The following ARHGAP39 variants were observed in gnomAD, a reference collection of about 807,000 sequenced individuals.
ARHGAP39 encodes Rho GTPase activating protein 39.
Under a neutral mutation model 106.9 loss-of-function variants are expected in ARHGAP39, and 44 were observed. That is an observed-to-expected ratio of 0.41 (90% CI 0.32 to 0.53). The LOEUF (loss-of-function observed/expected upper bound fraction) is 0.53. Among genes scored for constraint, ARHGAP39 ranks in the 20% least tolerant of loss-of-function variants. The pLI, the probability that ARHGAP39 is intolerant of heterozygous loss-of-function variation, is 0.21. For missense variants in ARHGAP39, 1,496 were observed against 1,577.3 expected (o/e 0.95, Z 0.87); for synonymous variants, 768 against 693.2 (o/e 1.11, Z -1.69).
chr8:144,660,189 T>C (rs148414253), intron 1 of ARHGAP39, among the ~76,000 whole-genome samples: 73 of 152,278 alleles, frequency 4.8e-4, no homozygotes, highest in African/African-American at 1.7e-3. Flanking sequence ...CCACTGTCCA[T>C]CCCATCCAGG....
intron 1 of ARHGAP39, among the ~76,000 whole-genome samples, chr8:144,627,385 T>A (rs890493313): frequency 3.3e-5 from 5 of 151,910 alleles, no homozygotes; most frequent in African/African-American, 9.7e-5. Context: ...ACCCCGTCTC[T>A]ACTAAAAATA....
intron 1 of ARHGAP39, among the ~76,000 whole-genome samples, chr8:144,635,327 G>A (rs968808707): frequency 1.3e-5 from 2 of 152,176 alleles, no homozygotes; most frequent in East Asian, 1.9e-4. Context: ...ATGTAATGAC[G>A]CTTCCATAAA....
At position 144,684,858 on chromosome 8, in the gene ARHGAP39, G is replaced by A. The variant is rs1822536163; in HGVS notation, c.-82+828C>T. On this transcript the variant is annotated intron_variant, in intron 1 of 11. Coordinates refer to ENST00000377307, the MANE Select transcript of ARHGAP39 (RefSeq NM_025251.3). The surrounding 1 kb of genome is among the most constrained non-coding windows in gnomAD (Gnocchi z 4.4). The stretch of plus-strand genomic sequence containing the variant: ...GAGGCCGCAGAGCCCACCCGCAGGC[G>A]GCCATGACCCCACCTGGAGACGCCC... Among the ~76,000 whole-genome samples the A allele has an allele frequency of 6.6e-6, 1 of 152,206 alleles. No individual in the cohort carries two copies. Among genetic ancestry groups the A allele is most frequent in the East Asian group, 1.9e-4 (1 of 5,180 alleles).
At chr8:144,622,329 A>C (rs1439703124) in intron 1 of ARHGAP39, among the ~76,000 whole-genome samples, 2 of 152,002 alleles carry the variant, frequency 1.3e-5, no homozygotes, top group Non-Finnish European at 2.9e-5. Flanking sequence ...AAACTTCAGC[A>C]ATGTCCTCAC....
upstream of ARHGAP39, among the ~76,000 whole-genome samples, chr8:144,688,192 C>T (rs1822671978): frequency 1.3e-5 from 2 of 151,818 alleles, no homozygotes; most frequent in Admixed American, 6.6e-5. Flanking sequence ...CAACCTCTGC[C>T]TTCTGGGTTC....
chr8:144,661,761 T>C (rs1046684712), intron 1 of ARHGAP39, among the ~76,000 whole-genome samples: 3 of 151,902 alleles, frequency 2.0e-5, no homozygotes, highest in Admixed American at 1.3e-4. Flanking sequence ...ACTGCAGCCT[T>C]GGGCCACTAC....
chr8:144,640,866 G>A (rs549013664), intron 1 of ARHGAP39, among the ~76,000 whole-genome samples: 1 of 152,192 alleles, frequency 6.6e-6, no homozygotes, highest in East Asian at 1.9e-4. Flanking sequence ...TGTTGAAAAC[G>A]AAGCCACGTT....
At chr8:144,655,230 G>C (rs1009588690) in intron 1 of ARHGAP39, among the ~76,000 whole-genome samples, 3 of 152,140 alleles carry the variant, frequency 2.0e-5, no homozygotes, top group African/African-American at 7.2e-5. Context: ...GGAGTGGGAA[G>C]TTGTGGTGCC....
chr8:144,616,725 G>T (rs910523507), intron 1 of ARHGAP39, among the ~76,000 whole-genome samples: 1 of 152,258 alleles, frequency 6.6e-6, no homozygotes, highest in African/African-American at 2.4e-5. Flanking sequence ...ACGGGTGCAG[G>T]AGGACCTGGG....
chr8:144,541,095 C>T (rs752157488), intron 6 of ARHGAP39, among the ~76,000 whole-genome samples: 17 of 152,222 alleles, frequency 1.1e-4, no homozygotes, highest in Non-Finnish European at 2.4e-4. Context: ...CAGTGATCCA[C>T]CGGCCTCCGC....
intron 2 of ARHGAP39, among the ~76,000 whole-genome samples, chr8:144,583,182 C>A (rs1194183067): frequency 6.6e-6 from 1 of 152,230 alleles, no homozygotes; most frequent in Non-Finnish European, 1.5e-5. Context: ...GTCCCCCAGT[C>A]GCTCCTGACG....
intron 2 of ARHGAP39, among the ~76,000 whole-genome samples, chr8:144,593,140 A>G (rs925217619): frequency 5.3e-5 from 8 of 152,202 alleles, no homozygotes; most frequent in Non-Finnish European, 1.0e-4. Context: ...TCAAGGCGGA[A>G]CAACCTTCCT....
intron 1 of ARHGAP39, among the ~76,000 whole-genome samples, chr8:144,639,941 T>G (rs1821269901): frequency 6.6e-6 from 1 of 152,198 alleles, no homozygotes; most frequent in Non-Finnish European, 1.5e-5. Context: ...ACTGACACAA[T>G]AATTTACTGG....
At chr8:144,686,931 C>G (rs28404851), upstream of ARHGAP39, among the ~76,000 whole-genome samples, 7,200 of 16,556 alleles carry the variant, frequency 0.43, 1,886 homozygotes, top group Admixed American at 0.48. Flanking sequence ...CTGGCGGCGA[C>G]CATTTCCCAC....
chr8:144,557,046 T>C (rs113498176), intron 3 of ARHGAP39, among the ~76,000 whole-genome samples: 2 of 143,376 alleles, frequency 1.4e-5, no homozygotes, highest in Non-Finnish European at 3.0e-5. Context: ...TGAACCTTCA[T>C]AGTATTCAGC....
chr8:144,681,246 G>A (rs1157502074), intron 1 of ARHGAP39, among the ~76,000 whole-genome samples: 1 of 152,186 alleles, frequency 6.6e-6, no homozygotes, highest in African/African-American at 2.4e-5. Context: ...GTGTCAGAGG[G>A]TAAGGATTTC....
intron 3 of ARHGAP39, among the ~76,000 whole-genome samples, chr8:144,571,686 G>T (rs979759251): frequency 1.3e-5 from 2 of 152,202 alleles, no homozygotes; most frequent in Non-Finnish European, 2.9e-5. Context: ...ATTAGGAAAA[G>T]AGGAAGTCAA....
rs573605211 is a variant in ARHGAP39, at chr8:144,646,129, C to T, written c.-82+39557G>A. Among the ~76,000 whole-genome samples the T allele has an allele frequency of 1.7e-4, 26 of 152,338 alleles. No homozygotes were observed. The highest frequency in any genetic ancestry group is 2.4e-4 in the Non-Finnish European group (16 of 68,036). On this transcript the variant is annotated intron_variant, in intron 1 of 11. Transcript: ENST00000377307. This position sits in a 1 kb window ranked among gnomAD's most constrained non-coding sequence, Gnocchi z 5.7. ...GGCACCAAATGTCCGCCAGCAAGGACGGACACATCGCAAGCTTGGAGCCTG... is the reference window on the plus strand; with the variant it reads ...GGCACCAAATGTCCGCCAGCAAGGATGGACACATCGCAAGCTTGGAGCCTG...
At chr8:144,588,908 C>T (rs1451957890) in intron 2 of ARHGAP39, among the ~76,000 whole-genome samples, 2 of 152,248 alleles carry the variant, frequency 1.3e-5, no homozygotes, top group Admixed American at 6.5e-5. Flanking sequence ...CACGCAACGC[C>T]GGGCCCGCCC....
Sources: allele counts gnomAD v4.1 joint callset (sites outside exome capture counted in the v4.1 genomes callset), GRCh38; gene constraint gnomAD v4.1.1; non-coding constraint Gnocchi (gnomAD v3.1); transcripts MANE v1.5; gene names NCBI Gene and HGNC (gene_info 2026-07-23, HGNC 2026-07-21).